The following OPCML variants were observed in gnomAD, a reference collection of about 807,000 sequenced individuals.
The protein encoded by OPCML is opioid-binding protein/cell adhesion molecule.
Under a neutral mutation model 37.8 loss-of-function variants are expected in OPCML, and 13 were observed. That is an observed-to-expected ratio of 0.34 (90% CI 0.22 to 0.55). The LOEUF (loss-of-function observed/expected upper bound fraction) is 0.55, where lower values mean the gene tolerates loss of function less well. OPCML is among the 20% of genes least tolerant of loss of function. The probability of loss-of-function intolerance (pLI) is 0.91; values close to 1 mark genes in which losing one functional copy is unlikely to be tolerated. For synonymous variants in OPCML, 176 were observed against 168.8 expected (o/e 1.04, Z -0.33); for missense variants, 341 against 435.6 (o/e 0.78, Z 1.93).
chr11:132,600,305 G>A (rs995534805), intron 3 of OPCML, among the ~76,000 whole-genome samples: 3 of 152,188 alleles, frequency 2.0e-5, no homozygotes, highest in African/African-American at 7.2e-5. Flanking sequence ...AAATGTTTTC[G>A]GCCAGCCTTC....
intron 2 of OPCML, among the ~76,000 whole-genome samples, chr11:132,706,843 C>A (rs914649160): frequency 3.3e-5 from 5 of 152,118 alleles, no homozygotes; most frequent in African/African-American, 1.2e-4. Flanking sequence ...ATGAATATAC[C>A]AAATTACATT....
chr11:132,910,202 A>G (rs923893100), intron 2 of OPCML, among the ~76,000 whole-genome samples: 1 of 152,358 alleles, frequency 6.6e-6, no homozygotes, highest in East Asian at 1.9e-4. Flanking sequence ...TCTCAGCCGC[A>G]TTCCCGAATG....
At chr11:133,103,839 C>G (rs1164900857) in intron 1 of OPCML, among the ~76,000 whole-genome samples, 1 of 152,174 alleles carries the variant, frequency 6.6e-6, no homozygotes, top group African/African-American at 2.4e-5. Flanking sequence ...GTCACCTACA[C>G]CCAGATAATT....
chr11:133,069,114 G>T (rs1369717572), intron 1 of OPCML, among the ~76,000 whole-genome samples: 2 of 152,152 alleles, frequency 1.3e-5, no homozygotes, highest in African/African-American at 4.8e-5. Context: ...AAGAACGCTT[G>T]AATTTTACTT....
intron 3 of OPCML, among the ~76,000 whole-genome samples, chr11:132,645,680 T>G (rs1941110821): frequency 6.6e-6 from 1 of 152,226 alleles, no homozygotes; most frequent in Admixed American, 6.5e-5. Context: ...CAGCTGGAAT[T>G]TTTTTAAAAA....
At chr11:133,077,176 C>T (rs938114709) in intron 1 of OPCML, among the ~76,000 whole-genome samples, 1 of 151,954 alleles carries the variant, frequency 6.6e-6, no homozygotes, top group Non-Finnish European at 1.5e-5. Context: ...TCATTTAGAA[C>T]TCAACCCTGC....
intron 1 of OPCML, among the ~76,000 whole-genome samples, chr11:133,105,564 T>C (rs1022378319): frequency 6.6e-6 from 1 of 152,164 alleles, no homozygotes; most frequent in Non-Finnish European, 1.5e-5. Context: ...GATGGCAAGA[T>C]GTGAAGATAC....
chr11:133,470,133 A>G (rs1469146262), intron 1 of OPCML, among the ~76,000 whole-genome samples: 1 of 152,162 alleles, frequency 6.6e-6, no homozygotes, highest in Non-Finnish European at 1.5e-5. Flanking sequence ...GGAAACCATC[A>G]TCAGGGGATG....
At chr11:132,952,728 C>T (rs1051473780) in intron 1 of OPCML, among the ~76,000 whole-genome samples, 1 of 152,092 alleles carries the variant, frequency 6.6e-6, no homozygotes, top group Admixed American at 6.5e-5. Flanking sequence ...GTTTGTGTAC[C>T]CTCCTCTGTG....
rs143939369 is a variant in OPCML at position 133,519,070 on chromosome 11, G to A, written c.61+13194C>T. 1.4e-3 allele frequency among the ~76,000 whole-genome samples: 217 copies of A among 152,216 alleles called. 1 individual carries two copies. Among genetic ancestry groups the A allele is most frequent in the African/African-American group, 4.7e-3 (194 of 41,528 alleles). Reference sequence around the variant, plus strand: ...GGATTCCTTCTCCCTGGTGCACTGTGAGCTCCCGTTGCGGGGTGGCTGACT... The same window carrying A: ...GGATTCCTTCTCCCTGGTGCACTGTAAGCTCCCGTTGCGGGGTGGCTGACT... On this transcript the variant is annotated intron_variant, in intron 1 of 7. Coordinates refer to ENST00000524381, the MANE Select transcript of OPCML (RefSeq NM_001012393.5).
intron 3 of OPCML, among the ~76,000 whole-genome samples, chr11:132,626,673 A>C (rs1939757082): frequency 7.4e-6 from 1 of 134,420 alleles, no homozygotes; most frequent in Admixed American, 7.8e-5. Flanking sequence ...AAACTGCTTC[A>C]TTGTTATTTG....
intron 2 of OPCML, among the ~76,000 whole-genome samples, chr11:132,872,942 A>C (rs1411617837): frequency 6.6e-6 from 1 of 150,748 alleles, no homozygotes; most frequent in Non-Finnish European, 1.5e-5. Flanking sequence ...TTTTTCTGGG[A>C]AATGCTGTGG....
Position 132,651,497 on chromosome 11 carries a change from G to A in OPCML, c.379+5590C>T, listed in dbSNP as rs575590874. On this transcript the variant is annotated intron_variant, in intron 3 of 7. Coordinates refer to ENST00000524381, the MANE Select transcript of OPCML (RefSeq NM_001012393.5). ...GTCTAGTGAAGGGGATTTAAAGCAC[G>A]CGGCAGCTGCATCAGCGTTGGGTAA... Among the ~76,000 whole-genome samples, 77 of 152,294 alleles carry A rather than the reference G, an allele frequency of 5.1e-4. No homozygotes were observed. The South Asian group carries it at 0.016, about 31-fold the overall frequency.
intron 1 of OPCML, chr11:133,117,869 A>G (rs1949360471): frequency 5.1e-6 from 5 of 984,074 alleles, no homozygotes; most frequent in Non-Finnish European, 6.0e-6. Context: ...GTATCACTGG[A>G]AAGTTTTGCA....
At chr11:133,406,843 C>T (rs1000839132) in intron 1 of OPCML, among the ~76,000 whole-genome samples, 3 of 152,160 alleles carry the variant, frequency 2.0e-5, no homozygotes, top group East Asian at 1.9e-4. Flanking sequence ...TGGAAACACA[C>T]GCTTAAGTGA....
chr11:133,011,727 G>A (rs1277116591), intron 1 of OPCML, among the ~76,000 whole-genome samples: 1 of 152,058 alleles, frequency 6.6e-6, no homozygotes, highest in Non-Finnish European at 1.5e-5. Context: ...AGGCAGTCAG[G>A]AGCCATTGGT....
At chr11:132,449,435 G>A (rs184935594) in intron 4 of OPCML, among the ~76,000 whole-genome samples, 111 of 152,146 alleles carry the variant, frequency 7.3e-4, no homozygotes, top group Non-Finnish European at 4.0e-4. Flanking sequence ...ATTTTCATGC[G>A]TCTGAGGGTA....
At chr11:133,096,713 G>A (rs1254533485) in intron 1 of OPCML, among the ~76,000 whole-genome samples, 1 of 152,022 alleles carries the variant, frequency 6.6e-6, no homozygotes, top group Admixed American at 6.6e-5. Context: ...ACTATTTAGA[G>A]GTAGTAGGAG....
At chr11:133,044,236 TCTG>T (rs1160805689) in intron 1 of OPCML, among the ~76,000 whole-genome samples, 2 of 152,196 alleles carry the variant, frequency 1.3e-5, no homozygotes, top group Non-Finnish European at 2.9e-5. Flanking sequence ...CGTGCATCCT[TCTG>T]CTGAAGGTGG....
Sources: allele counts gnomAD v4.1 joint callset (sites outside exome capture counted in the v4.1 genomes callset), GRCh38; gene constraint gnomAD v4.1.1; transcripts MANE v1.5; gene names NCBI Gene and HGNC (gene_info 2026-07-23, HGNC 2026-07-21).